Variants in MYO16 observed in about 807,000 individuals in gnomAD.
MYO16 encodes the protein unconventional myosin-XVI.
Under a neutral mutation model 205.3 loss-of-function variants are expected in MYO16, and 94 were observed. The observed-to-expected ratio is 0.46, with a 90% CI of 0.39 to 0.54. The LOEUF is 0.54. Ranked by LOEUF, MYO16 falls within the 20% of genes least tolerant of loss-of-function variation. The pLI, the probability that MYO16 is intolerant of heterozygous loss-of-function variation, is 0.00. For synonymous variants in MYO16, 988 were observed against 954.0 expected (o/e 1.04, Z -0.66); for missense variants, 2,315 against 2,387.5 (o/e 0.97, Z 0.63).
the MYO16 span, among the ~76,000 whole-genome samples, chr13:108,566,822 G>A: frequency 6.6e-6 from 1 of 151,934 alleles, no homozygotes; most frequent in African/African-American, 2.4e-5. Flanking sequence ...TTTAACTTTT[G>A]ATAAGTAAGT....
At chr13:109,167,391 A>G (rs76529638) in intron 33 of MYO16, 1 of 148,096 alleles carries the variant, frequency 6.8e-6, no homozygotes, top group African/African-American at 2.5e-5. Context: ...AAAAAAAAAA[A>G]TCAAAAGACT....
the MYO16 span, among the ~76,000 whole-genome samples, chr13:108,551,702 T>C: frequency 6.6e-6 from 1 of 152,172 alleles, no homozygotes. Context: ...CCAAGATTTG[T>C]AGGAAAGGCC....
Position 108,666,080 on chromosome 13 carries a change from A to C in MYO16, c.223A>C (p.Asn75His). 4 of 1,614,132 alleles carry C rather than the reference A, an allele frequency of 2.5e-6. No individual in the cohort carries two copies. Among genetic ancestry groups the C allele is most frequent in the Non-Finnish European group, 2.5e-6 (3 of 1,179,982 alleles). ...CCTGAAAAGGCTGAAGCATGCGAAGAATCCGAAAGTTCACTTCAACCTCAC... is the reference window on the plus strand; with the variant it reads ...CCTGAAAAGGCTGAAGCATGCGAAGCATCCGAAAGTTCACTTCAACCTCAC... ...GFLKRLKHAK[N>H]PKVHFNLTDM... The change falls in exon 2 of 35, where the codon AAT (asparagine) becomes CAT (histidine). Residue 75 changes from asparagine to histidine, a missense_variant. This residue lies in a region of MYO16 where 1,213 missense variants were observed against 1,274.4 expected (regional missense o/e 0.95). Coordinates refer to ENST00000457511, the MANE Select transcript of MYO16 (RefSeq NM_001198950.3).
intron 16 of MYO16, among the ~76,000 whole-genome samples, chr13:108,949,875 T>C (rs957889949): frequency 2.0e-5 from 3 of 151,726 alleles, no homozygotes; most frequent in African/African-American, 4.8e-5. Flanking sequence ...CTCACACAAA[T>C]ATACTCACAC....
chr13:108,728,695 T>C (rs1030703012), intron 4 of MYO16, among the ~76,000 whole-genome samples: 1 of 152,244 alleles, frequency 6.6e-6, no homozygotes, highest in Non-Finnish European at 1.5e-5. Flanking sequence ...TTTCAGAAGA[T>C]ACCAGTCATA....
intron 27 of MYO16, among the ~76,000 whole-genome samples, chr13:109,082,900 C>T (rs1348112685): frequency 2.0e-5 from 3 of 152,034 alleles, no homozygotes; most frequent in East Asian, 3.9e-4. Flanking sequence ...CAGAGGGGCT[C>T]TAAGATTATA....
intron 16 of MYO16, among the ~76,000 whole-genome samples, chr13:108,951,908 A>G: frequency 6.6e-6 from 1 of 152,150 alleles, no homozygotes; most frequent in East Asian, 1.9e-4. Flanking sequence ...GTTTGAGACT[A>G]GCCTTGCCAA....
intron 4 of MYO16, among the ~76,000 whole-genome samples, chr13:108,751,078 C>T (rs1885222880): frequency 6.6e-6 from 1 of 151,994 alleles, no homozygotes; most frequent in East Asian, 1.9e-4. Flanking sequence ...CACACACACA[C>T]ACACACACAT....
At chr13:109,018,845 C>T (rs1222061402) in intron 22 of MYO16, among the ~76,000 whole-genome samples, 2 of 152,200 alleles carry the variant, frequency 1.3e-5, no homozygotes, top group East Asian at 1.9e-4. Flanking sequence ...CAACCAGTTC[C>T]AGTGAGATGA....
intron 1 of MYO16, among the ~76,000 whole-genome samples, chr13:108,613,060 T>C (rs908660603): frequency 1.3e-5 from 2 of 152,096 alleles, no homozygotes; most frequent in Non-Finnish European, 2.9e-5. Flanking sequence ...ACTTGTAAAA[T>C]AAAGTTTATG....
chr13:109,163,088 C>A (rs1464615606), intron 32 of MYO16, among the ~76,000 whole-genome samples: 1 of 152,126 alleles, frequency 6.6e-6, no homozygotes, highest in African/African-American at 2.4e-5. Context: ...GCCTAGTTTT[C>A]AAAATGCCGA....
At chr13:108,666,323 C>T (rs953402628) in intron 2 of MYO16, among the ~76,000 whole-genome samples, 174 bp downstream of exon 2, 4 of 151,654 alleles carry the variant, frequency 2.6e-5, no homozygotes, top group African/African-American at 9.7e-5. Context: ...TTGCAAAGAA[C>T]ATCATTAAAA....
intron 6 of MYO16, among the ~76,000 whole-genome samples, chr13:108,798,405 T>C (rs141156033): frequency 2.0e-5 from 3 of 152,196 alleles, no homozygotes; most frequent in African/African-American, 7.2e-5. Context: ...TGCCTTTACC[T>C]TCTTTATTAG....
intron 28 of MYO16, among the ~76,000 whole-genome samples, chr13:109,115,194 A>ACAAC (rs1434629617): frequency 7.2e-6 from 1 of 139,258 alleles, no homozygotes; most frequent in Non-Finnish European, 1.5e-5. Context: ...ACACTCTAGC[A>ACAAC]CAACCACCGT....
chr13:109,119,829 G>T (rs927441901), intron 28 of MYO16, among the ~76,000 whole-genome samples: 2 of 152,138 alleles, frequency 1.3e-5, no homozygotes, highest in Non-Finnish European at 2.9e-5. Flanking sequence ...TCTTTCTTGA[G>T]ACTTTTAAAC....
At chr13:108,942,503 A>T (rs544338608) in intron 16 of MYO16, among the ~76,000 whole-genome samples, 3 of 152,146 alleles carry the variant, frequency 2.0e-5, no homozygotes, top group Admixed American at 6.5e-5. Context: ...TTCAGTGTTT[A>T]AAAAAAACTC....
chr13:108,615,586 G>GTAGAAAGAAT (rs1879321477), intron 1 of MYO16, among the ~76,000 whole-genome samples: 17 of 151,882 alleles, frequency 1.1e-4, no homozygotes, highest in Admixed American at 1.1e-3. Flanking sequence ...AACAAAATGT[G>GTAGAAAGAAT]GTATACCCAT....
chr13:109,100,958 G>C, intron 28 of MYO16, 71 bp downstream of exon 28: 1 of 1,357,116 alleles, frequency 7.4e-7, no homozygotes, highest in Non-Finnish European at 1.0e-6. Flanking sequence ...ATTGCAGGGA[G>C]CCACCAGAAT....
intron 34 of MYO16, among the ~76,000 whole-genome samples, chr13:109,201,914 G>T (rs1880409434): frequency 6.6e-6 from 1 of 151,920 alleles, no homozygotes; most frequent in Admixed American, 6.6e-5. Flanking sequence ...CCAGGTTGCT[G>T]CAAATGCCAT....
Sources: gnomAD v4.1 joint callset for allele counts (sites outside exome capture counted in the v4.1 genomes callset) on GRCh38, gnomAD v4.1.1 for gene constraint, gnomAD v4.1.1 regional missense constraint, MANE v1.5 for transcripts, NCBI Gene and HGNC (gene_info 2026-07-23, HGNC 2026-07-21) for gene names.